Variants in BRINP3 observed in about 807,000 individuals in gnomAD.
BRINP3 encodes BMP/retinoic acid inducible neural specific 3.
A neutral mutation model predicts 71.0 loss-of-function variants in BRINP3; 19 were observed. That is an observed-to-expected ratio of 0.27 (90% CI 0.19 to 0.39). BRINP3 has a LOEUF of 0.39. Among genes scored for constraint, BRINP3 ranks in the 10% least tolerant of loss-of-function variants. The pLI, the probability that BRINP3 is intolerant of heterozygous loss-of-function variation, is 1.00. For synonymous variants in BRINP3, 380 were observed against 337.7 expected (o/e 1.13, Z -1.37); for missense variants, 959 against 940.8 (o/e 1.02, Z -0.25).
At chr1:190,359,657 C>T (rs1669002503) in intron 2 of BRINP3, among the ~76,000 whole-genome samples, 1 of 152,020 alleles carries the variant, frequency 6.6e-6, no homozygotes, top group South Asian at 2.1e-4. Flanking sequence ...CCTGTGGGAG[C>T]TTGGCCATAC....
intron 4 of BRINP3, among the ~76,000 whole-genome samples, chr1:190,259,716 G>A (rs1470297586): frequency 6.6e-6 from 1 of 151,884 alleles, no homozygotes; most frequent in Non-Finnish European, 1.5e-5. Flanking sequence ...TCTGTTTGCA[G>A]ATAACATTAT....
chr1:190,283,106 A>C (rs771950686), intron 2 of BRINP3, among the ~76,000 whole-genome samples: 2 of 151,994 alleles, frequency 1.3e-5, no homozygotes, highest in Non-Finnish European at 2.9e-5. Flanking sequence ...CATTTTTGTC[A>C]CTAATTATAT....
At chr1:190,200,340 ACTT>A (rs1156730965) in intron 6 of BRINP3, among the ~76,000 whole-genome samples, 1 of 152,124 alleles carries the variant, frequency 6.6e-6, no homozygotes, top group African/African-American at 2.4e-5. Context: ...ATAATTTTAG[ACTT>A]CAGATGAATT....
chr1:190,228,450 T>C (rs956975493), intron 5 of BRINP3, among the ~76,000 whole-genome samples: 2 of 151,500 alleles, frequency 1.3e-5, no homozygotes, highest in African/African-American at 2.4e-5. Context: ...CATTACAACG[T>C]TGAATCTGTA....
chr1:190,137,033 C>T (rs1655029741), intron 7 of BRINP3, among the ~76,000 whole-genome samples: 2 of 152,018 alleles, frequency 1.3e-5, no homozygotes, highest in Non-Finnish European at 2.9e-5. Flanking sequence ...TATCACTGTT[C>T]CCCAATTTAC....
chr1:190,344,855 T>C (rs571937296), intron 2 of BRINP3, among the ~76,000 whole-genome samples: 14 of 151,972 alleles, frequency 9.2e-5, no homozygotes, highest in South Asian at 8.3e-4. Flanking sequence ...CTATATGCCA[T>C]CAACGACCTT....
chr1:190,304,512 A>G (rs1664959031), intron 2 of BRINP3, among the ~76,000 whole-genome samples: 1 of 151,904 alleles, frequency 6.6e-6, no homozygotes, highest in African/African-American at 2.4e-5. Context: ...AAAGGTGCTA[A>G]GAACACACTG....
At chr1:190,263,200 T>G (rs1661345355) in intron 4 of BRINP3, among the ~76,000 whole-genome samples, 3 of 152,322 alleles carry the variant, frequency 2.0e-5, no homozygotes, top group African/African-American at 7.2e-5. Flanking sequence ...AAGTTTAGTT[T>G]TCCTCAGCAA....
chr1:190,473,958 A>G (rs955197822), intron 1 of BRINP3, among the ~76,000 whole-genome samples: 1 of 151,940 alleles, frequency 6.6e-6, no homozygotes, highest in African/African-American at 2.4e-5. Flanking sequence ...CCTACAAAAC[A>G]GTTCTCTCGA....
At chr1:190,453,203 A>ATTTTTTTTTGTTTTTTTT (rs1675746150) in intron 2 of BRINP3, among the ~76,000 whole-genome samples, 1 of 40,888 alleles carries the variant, frequency 2.4e-5, no homozygotes, top group East Asian at 9.2e-4. Context: ...AAACTTTAGT[A>ATTTTTTTTTGTTTTTTTT]TTTTTTTTTT....
intron 6 of BRINP3, among the ~76,000 whole-genome samples, chr1:190,191,965 C>A (rs941673794): frequency 1.3e-5 from 2 of 151,930 alleles, no homozygotes; most frequent in African/African-American, 4.8e-5. Context: ...TTAGTTAAAT[C>A]AAATGATATA....
rs540803572 is a variant in BRINP3 at position 190,413,937 on chromosome 1, A to G, written c.236+40718T>C. On this transcript the variant is annotated intron_variant, in intron 2 of 7. Coordinates refer to ENST00000367462, the MANE Select transcript of BRINP3 (RefSeq NM_199051.3). ...ACAGGAATTACACATAAATATTAAG[A>G]TTATGGATAATTTAAATTTAAAAAA... Among the ~76,000 whole-genome samples the G allele has an allele frequency of 5.3e-5, 8 of 152,264 alleles. No homozygotes were observed. The South Asian group carries it at 1.7e-3, about 32-fold the overall frequency.
chr1:190,381,049 T>C (rs983768549), intron 2 of BRINP3, among the ~76,000 whole-genome samples: 2 of 152,138 alleles, frequency 1.3e-5, no homozygotes, highest in Admixed American at 6.6e-5. Context: ...TGATAAGTGA[T>C]AGATTAAGGG....
chr1:190,346,683 C>G (rs1668044217), intron 2 of BRINP3, among the ~76,000 whole-genome samples: 1 of 152,068 alleles, frequency 6.6e-6, no homozygotes, highest in South Asian at 2.1e-4. Flanking sequence ...TTTCACCCTT[C>G]TTTTGCCAAC....
intron 2 of BRINP3, among the ~76,000 whole-genome samples, chr1:190,391,553 C>A (rs1671252001): frequency 6.6e-6 from 1 of 151,616 alleles, no homozygotes; most frequent in Non-Finnish European, 1.5e-5. Context: ...TCCTATAGAA[C>A]AAGATTTTAC....
At chr1:190,191,234 A>G (rs967925230) in intron 6 of BRINP3, among the ~76,000 whole-genome samples, 7 of 152,098 alleles carry the variant, frequency 4.6e-5, no homozygotes, top group African/African-American at 1.2e-4. Flanking sequence ...CCCCATTTCC[A>G]GGTTTCATCC....
Position 190,460,734 on chromosome 1 carries a change from A to T in BRINP3, c.-50-5794T>A, listed in dbSNP as rs907787322. 4.6e-5 allele frequency among the ~76,000 whole-genome samples: 7 copies of T among 152,196 alleles called. 1 individual carries two copies. Among genetic ancestry groups the T allele is most frequent in the African/African-American group, 1.7e-4 (7 of 41,452 alleles). ...TGATACCTCTGTCAAGGAAAACTAA[A>T]CGTTCTCCAAACTTTTTTCTGGTTT... On this transcript the variant is annotated intron_variant, in intron 1 of 7. Coordinates refer to ENST00000367462, the MANE Select transcript of BRINP3 (RefSeq NM_199051.3).
In BRINP3 at chr1:190,283,855, T is replaced by C. The variant is rs566864772; in HGVS notation, c.237-2105A>G. Among the ~76,000 whole-genome samples the C allele has an allele frequency of 1.3e-4, 19 of 151,832 alleles. No homozygotes were observed. In the South Asian group the frequency reaches 3.7e-3, roughly 30 times the overall value. On this transcript the variant is annotated intron_variant, in intron 2 of 7. Transcript: ENST00000367462. The stretch of plus-strand genomic sequence containing the variant: ...GCTTATGCTCAAACATTTAATTTTT[T>C]AACTCCTGAAAAATGCTTGTAATTT...
intron 3 of BRINP3, among the ~76,000 whole-genome samples, chr1:190,268,250 A>T (rs1661818818): frequency 6.6e-6 from 1 of 152,290 alleles, no homozygotes; most frequent in African/African-American, 2.4e-5. Context: ...TTAATAAATT[A>T]GGAATCAATG....
Sources: gnomAD v4.1 joint callset for allele counts (sites outside exome capture counted in the v4.1 genomes callset) on GRCh38, gnomAD v4.1.1 for gene constraint, MANE v1.5 for transcripts, NCBI Gene and HGNC (gene_info 2026-07-23, HGNC 2026-07-21) for gene names.